MED12L: variants seen among roughly 807,000 people sequenced by gnomAD.
MED12L encodes the protein mediator of RNA polymerase II transcription subunit 12-like protein.
In MED12L, 60 loss-of-function variants were observed where a neutral mutation model predicts 281.3. The observed-to-expected ratio is 0.21, with a 90% CI of 0.17 to 0.26. The LOEUF is 0.26. Among genes scored for constraint, MED12L ranks in the 10% least tolerant of loss-of-function variants. The pLI, the probability that MED12L is intolerant of heterozygous loss-of-function variation, is 1.00. For synonymous variants in MED12L, 974 were observed against 987.2 expected (o/e 0.99, Z 0.25); for missense variants, 2,146 against 2,680.9 (o/e 0.80, Z 4.41).
intron 16 of MED12L, among the ~76,000 whole-genome samples, chr3:151,267,349 A>G (rs1308752598): frequency 1.3e-5 from 2 of 152,234 alleles, no homozygotes; most frequent in Admixed American, 6.5e-5. Flanking sequence ...ATTTAAGTGT[A>G]TAATGTAATC....
chr3:151,139,153 T>C (rs1716570383), intron 5 of MED12L, among the ~76,000 whole-genome samples: 1 of 152,226 alleles, frequency 6.6e-6, no homozygotes, highest in Non-Finnish European at 1.5e-5. Flanking sequence ...TTCAGCTGTG[T>C]CCTGTGTCCA....
chr3:151,377,450 G>A (rs1756980632), intron 30 of MED12L, among the ~76,000 whole-genome samples: 1 of 152,098 alleles, frequency 6.6e-6, no homozygotes, highest in Non-Finnish European at 1.5e-5. Context: ...GTGTTACGTA[G>A]TATTCATTAT....
At chr3:151,367,610 G>A (rs760153723) in intron 23 of MED12L, 36 bp from the exon 24 acceptor site, 8 of 1,562,720 alleles carry the variant, frequency 5.1e-6, no homozygotes, top group Non-Finnish European at 7.0e-6. Flanking sequence ...TTACAAGGTT[G>A]TTAGGTATTA....
chr3:151,177,112 T>G (rs1722145649), intron 11 of MED12L, among the ~76,000 whole-genome samples: 1 of 152,178 alleles, frequency 6.6e-6, no homozygotes, highest in Admixed American at 6.5e-5. Context: ...TTCACTCCTG[T>G]GGTTTTATTT....
chr3:151,201,980 T>A (rs1242352949), intron 16 of MED12L, among the ~76,000 whole-genome samples: 1 of 152,220 alleles, frequency 6.6e-6, no homozygotes, highest in African/African-American at 2.4e-5. Context: ...AGAGAAGAAT[T>A]AGAGTAATTT....
At chr3:151,302,219 TG>T (rs1266485791) in intron 16 of MED12L, among the ~76,000 whole-genome samples, 5 of 152,170 alleles carry the variant, frequency 3.3e-5, no homozygotes, top group Admixed American at 1.3e-4. Flanking sequence ...CTGCTGGGGT[TG>T]GGGGCAGGAG....
chr3:151,316,215 A>G (rs534646950), intron 16 of MED12L, among the ~76,000 whole-genome samples: 2 of 152,282 alleles, frequency 1.3e-5, no homozygotes, highest in South Asian at 2.1e-4. Context: ...TTAAAAAAAA[A>G]CAATACGGAT....
rs10646837 is a variant in MED12L at position 151,223,175 on chromosome 3, CA to C, written c.2250+29524del. Among the ~76,000 whole-genome samples, 956 of 127,102 alleles carry C rather than the reference CA, an allele frequency of 7.5e-3. 14 individuals are homozygous for C. Among genetic ancestry groups the C allele is most frequent in the African/African-American group, 0.024 (825 of 34,016 alleles). The allele number at this position is 127,102 out of a possible 152,430, so 83.4% of individuals were successfully genotyped here. A position where few individuals can be genotyped will look rare whatever the true frequency, so the allele number is the denominator to read the frequency against. On this transcript the variant is annotated intron_variant, in intron 16 of 44. Coordinates refer to ENST00000687756, the MANE Select transcript of MED12L (RefSeq NM_001393769.1). The stretch of plus-strand genomic sequence containing the variant: ...ACATTGAGGCTTTTATTAAAAAGTC[CA>C]AAAAAAAAAAAAAACTAGATGTCAG...
At chr3:151,098,462 C>T (rs545010210) in intron 2 of MED12L, among the ~76,000 whole-genome samples, 1 of 152,312 alleles carries the variant, frequency 6.6e-6, no homozygotes, top group East Asian at 1.9e-4. Flanking sequence ...GCCACGTTCC[C>T]TCTGAAGGCT....
At chr3:151,174,263 T>G (rs1721781052) in intron 11 of MED12L, among the ~76,000 whole-genome samples, 1 of 152,238 alleles carries the variant, frequency 6.6e-6, no homozygotes, top group Non-Finnish European at 1.5e-5. Flanking sequence ...TTAAGGACTT[T>G]TGGAGAGATT....
chr3:151,156,944 G>A (rs549073612), intron 6 of MED12L, among the ~76,000 whole-genome samples: 1 of 152,090 alleles, frequency 6.6e-6, no homozygotes, highest in South Asian at 2.1e-4. Flanking sequence ...AAAGAGGGAG[G>A]GGACATGTGG....
chr3:151,257,424 T>G (rs979004923), intron 16 of MED12L, among the ~76,000 whole-genome samples: 1 of 152,252 alleles, frequency 6.6e-6, no homozygotes, highest in Non-Finnish European at 1.5e-5. Flanking sequence ...ATTGCCTTAG[T>G]TAGAATACCG....
In MED12L at chr3:151,110,877, A is replaced by G. The variant is rs539866656; in HGVS notation, c.100-5461A>G. ...TGGGATCTGCTGCTGTTGAGCCAAG[A>G]TGGGACATCCATTTTCTTCCTGGTG... On this transcript the variant is annotated intron_variant, in intron 2 of 44. Coordinates refer to ENST00000687756, the MANE Select transcript of MED12L (RefSeq NM_001393769.1). Among the ~76,000 whole-genome samples, 164 of 152,312 alleles carry G rather than the reference A, an allele frequency of 1.1e-3. 2 individuals carry two copies. The highest frequency in any genetic ancestry group is 1.9e-3 in the Non-Finnish European group (131 of 68,028).
At chr3:151,341,103 A>T (rs1219949585) in intron 16 of MED12L, among the ~76,000 whole-genome samples, 1 of 152,162 alleles carries the variant, frequency 6.6e-6, no homozygotes, top group East Asian at 1.9e-4. Flanking sequence ...TGGTTAATTT[A>T]TCTGAAATAT....
chr3:151,123,356 A>G (rs1714043504), intron 4 of MED12L, among the ~76,000 whole-genome samples: 4 of 152,242 alleles, frequency 2.6e-5, no homozygotes, highest in South Asian at 4.1e-4. Flanking sequence ...CTTTAAAAGT[A>G]TCCATCCAAA....
At chr3:151,328,299 G>T (rs1471337877) in intron 16 of MED12L, 2 of 1,613,836 alleles carry the variant, frequency 1.2e-6, no homozygotes, top group Non-Finnish European at 1.7e-6. Flanking sequence ...TTGCCTTCCA[G>T]CTTTTTGTTG....
At chr3:151,201,882 A>G (rs999774866) in intron 16 of MED12L, among the ~76,000 whole-genome samples, 1 of 151,962 alleles carries the variant, frequency 6.6e-6, no homozygotes, top group Non-Finnish European at 1.5e-5. Context: ...ATTACATAAT[A>G]ATGGTAACAT....
chr3:151,382,975 C>T (rs1017121438), intron 33 of MED12L, among the ~76,000 whole-genome samples: 1 of 152,126 alleles, frequency 6.6e-6, no homozygotes, highest in African/African-American at 2.4e-5. Flanking sequence ...ATAGATTTGC[C>T]TTCTCTACCT....
chr3:151,090,068 C>T (rs929058704), intron 2 of MED12L, among the ~76,000 whole-genome samples: 7 of 152,140 alleles, frequency 4.6e-5, no homozygotes, highest in African/African-American at 1.7e-4. Flanking sequence ...TGCCTGGACA[C>T]CTGTCTAGCC....
Sources: allele counts gnomAD v4.1 joint callset (sites outside exome capture counted in the v4.1 genomes callset), GRCh38; gene constraint gnomAD v4.1.1; transcripts MANE v1.5; gene names NCBI Gene and HGNC (gene_info 2026-07-23, HGNC 2026-07-21).